COL3A1: variants seen among roughly 807,000 people sequenced by gnomAD.
The protein encoded by COL3A1 is collagen type III alpha 1 chain.
In COL3A1, 46 loss-of-function variants were observed where a neutral mutation model predicts 200.9. That is an observed-to-expected ratio of 0.23 (90% confidence interval 0.18 to 0.29). The LOEUF is 0.29. COL3A1 is among the 10% of genes least tolerant of loss of function. The probability of loss-of-function intolerance (pLI) is 1.00; values close to 1 mark genes in which losing one functional copy is unlikely to be tolerated. For missense variants in COL3A1, 1,367 were observed against 1,917.6 expected, an observed-to-expected ratio of 0.71 and a Z score of 5.36; for synonymous variants, 650 against 628.0, an observed-to-expected ratio of 1.03 and a Z score of -0.52.
At chr2:189,000,288 A>T (rs1251509056) in intron 32 of COL3A1, among the ~76,000 whole-genome samples, 1 of 152,238 alleles carries the variant, frequency 6.6e-6, no homozygotes, top group African/African-American at 2.4e-5. Flanking sequence ...AGCAACAAAA[A>T]GGAATGAACA....
In COL3A1 at chr2:188,994,241, C is replaced by T. The variant is rs1688249086; in HGVS notation, c.1202C>T (p.Ala401Val). The T allele has an allele frequency of 6.2e-7, 1 of 1,614,116 alleles. No homozygotes were observed. Residue 401 changes from alanine (A) to valine (V), a missense_variant, in exon 18 of 51, where the codon GCT becomes GTT. Ala to Val is a moderately conservative substitution (Grantham distance 64). Transcript: ENST00000304636. This position sits in a 1 kb window ranked among gnomAD's most constrained non-coding sequence, Gnocchi z 4.5. ...TCTTTGGTTTGTTCTTAGGGTCCCG[C>T]TGGCATTCCTGGAGCTCCTGGACTG... ...SPGGKGEMGP[A>V]GIPGAPGLMG...
At position 189,006,955 on chromosome 2, in the gene COL3A1, G is replaced by T; in HGVS notation, c.3220G>T (p.Gly1074Cys). ...RGESGPAGPAGAPGPAGSRGA... is the reference protein window; with the variant it reads ...RGESGPAGPACAPGPAGSRGA... ...ATCTTAGGGCCCTGCTGGCCCTGCT[G>T]GTGCTCCCGGTCCTGCTGGTTCCCG... Residue 1074 changes from glycine (G) to cysteine (C), a missense_variant, in exon 44 of 51, where the codon GGT becomes TGT. This residue lies in a region of COL3A1 where 846 missense variants were observed against 1,147.9 expected (regional missense o/e 0.74). Coordinates refer to ENST00000304636, the MANE Select transcript of COL3A1 (RefSeq NM_000090.4). The T allele has an allele frequency of 6.2e-7, 1 of 1,613,148 alleles. No individual in the cohort carries two copies. Among genetic ancestry groups the T allele is most frequent in the Non-Finnish European group, 8.5e-7 (1 of 1,179,752 alleles).
At chr2:188,997,297 C>A (rs760025011) in intron 25 of COL3A1, 39 bp from the exon 26 acceptor site, 8 of 1,612,748 alleles carry the variant, frequency 5.0e-6, no homozygotes, top group Non-Finnish European at 8.5e-7. Flanking sequence ...TCTCTGTAAT[C>A]TGTATTATTT....
chr2:188,987,028 A>G (rs745482239), intron 4 of COL3A1, 31 bp from the exon 5 acceptor site: 2 of 1,566,856 alleles, frequency 1.3e-6, no homozygotes, highest in South Asian at 1.1e-5. Flanking sequence ...GTCTGTTAAA[A>G]TGATCATATC....
At chr2:188,990,255 A>G in intron 9 of COL3A1, 52 bp from the exon 10 acceptor site, 1 of 1,587,190 alleles carries the variant, frequency 6.3e-7, no homozygotes, top group Non-Finnish European at 8.6e-7. Flanking sequence ...TTACTACTAG[A>G]TTGTGATTCT....
At chr2:188,985,828 C>T in intron 4 of COL3A1, 50 bp downstream of exon 4, 1 of 1,211,758 alleles carries the variant, frequency 8.3e-7, no homozygotes. Flanking sequence ...CTATCTAGTT[C>T]ATCTTCTTTC....
intron 16 of COL3A1, 67 bp from the exon 17 acceptor site, chr2:188,993,971 A>C: frequency 6.7e-7 from 1 of 1,484,570 alleles, no homozygotes; most frequent in Admixed American, 1.7e-5. Context: ...TTTCACACAA[A>C]CAACTTCAAA....
chr2:189,005,266 AC>A, intron 40 of COL3A1, 83 bp from the exon 41 acceptor site: 2 of 1,248,018 alleles, frequency 1.6e-6, no homozygotes, highest in Non-Finnish European at 2.3e-6. Flanking sequence ...TAAGTTTTTT[AC>A]CTGAAAATAA....
intron 1 of COL3A1, among the ~76,000 whole-genome samples, chr2:188,982,191 T>C (rs1687967436): frequency 6.6e-6 from 1 of 151,656 alleles, no homozygotes; most frequent in Admixed American, 6.6e-5. Flanking sequence ...AAATAATCTT[T>C]ATATTGAGGC....
chr2:188,985,840 T>G, intron 4 of COL3A1, 62 bp downstream of exon 4: 1 of 1,031,794 alleles, frequency 9.7e-7, no homozygotes, highest in East Asian at 2.4e-5. Flanking sequence ...TCTTCTTTCT[T>G]TACTCGATAT....
chr2:189,011,694 A>G lies in COL3A1; in HGVS notation c.4321A>G (p.Ile1441Val), dbSNP rs1227188905. The change falls in exon 51 of 51, where the codon ATT becomes GTT. Residue 1441 changes from isoleucine (I) to valine (V), a missense_variant. Physicochemically the swap from Ile to Val is conservative, Grantham distance 29. This residue lies in a region of COL3A1 where 846 missense variants were observed against 1,147.9 expected (regional missense o/e 0.74). Coordinates refer to ENST00000304636, the MANE Select transcript of COL3A1 (RefSeq NM_000090.4). ...YRTRKAVRLP[I>V]VDIAPYDIGG... ...AACACGCAAGGCTGTGAGACTACCTATTGTAGATATTGCACCCTATGACAT... is the reference window on the plus strand; with the variant it reads ...AACACGCAAGGCTGTGAGACTACCTGTTGTAGATATTGCACCCTATGACAT... 7 of 1,613,888 alleles carry G rather than the reference A, an allele frequency of 4.3e-6. No individual in the cohort carries two copies. The South Asian group carries it at 5.5e-5, about 13-fold the overall frequency.
chr2:188,974,563 A>G lies in COL3A1; in HGVS notation c.74A>G (p.Gln25Arg), dbSNP rs748787122. The change falls in exon 1 of 51, where the codon CAG becomes CGG. Residue 25 changes from glutamine to arginine, a missense_variant. Gln to Arg is a conservative substitution (Grantham distance 43, BLOSUM62 1). Around this residue, in one of 5 missense-constraint regions of COL3A1, gnomAD observed 55 missense variants for 51.5 expected, o/e 1.07. Coordinates refer to ENST00000304636, the MANE Select transcript of COL3A1 (RefSeq NM_000090.4). ...CATCCCACTATTATTTTGGCACAAC[A>G]GGAAGGTGAGTAGGTACTGATTTCA... ...LLHPTIILAQQEAVEGGCSHL... is the reference protein window; with the variant it reads ...LLHPTIILAQREAVEGGCSHL... The G allele has an allele frequency of 1.9e-6, 3 of 1,613,642 alleles. No individual in the cohort carries two copies. The highest frequency in any genetic ancestry group is 2.5e-6 in the Non-Finnish European group (3 of 1,179,564).
At chr2:188,998,190 A>G (rs1688371697) in intron 27 of COL3A1, 76 bp from the exon 28 acceptor site, 1 of 1,345,834 alleles carries the variant, frequency 7.4e-7, no homozygotes, top group Non-Finnish European at 1.1e-6. Flanking sequence ...TCTTGCAGAA[A>G]CATGTGTACA....
At chr2:188,984,611 A>T (rs3134662) in intron 1 of COL3A1, 149 bp from the exon 2 acceptor site, 1 of 694,388 alleles carries the variant, frequency 1.4e-6, no homozygotes, top group Non-Finnish European at 2.5e-6. Context: ...CAAATTACAT[A>T]GGGCAAGTAT....
Position 189,006,277 on chromosome 2 carries a change from G to T in COL3A1, c.3093+18G>T. The T allele has an allele frequency of 6.2e-7, 1 of 1,613,868 alleles. No homozygotes were observed. The highest frequency in any genetic ancestry group is 1.3e-5 in the African/African-American group (1 of 75,010). On this transcript the variant is annotated intron_variant, in intron 42 of 50. Transcript: ENST00000304636. ...GTGGCAAGGTATAATAAACACATGT[G>T]CAATTGATTTGTGTTATCAAAATAA...
rs1193789440 is a variant in COL3A1, at chr2:189,007,676, C to T, written c.3363+69C>T. ...AATTTTAGAGATTAAGAGAAGAAAG[C>T]TTTCCATCTCTAAAAATATGTACTA... is the stretch of plus-strand genomic sequence containing the variant. On this transcript the variant is annotated intron_variant, in intron 45 of 50. Transcript: ENST00000304636. 5.1e-6 allele frequency: 7 copies of T among 1,377,940 alleles called. No homozygotes were observed. In the African/African-American group the frequency reaches 7.2e-5, roughly 14 times the overall value. The allele number at this position is 1,377,940 out of a possible 1,614,324, so 85.4% of individuals were successfully genotyped here. A position where few individuals can be genotyped will look rare whatever the true frequency, so the allele number is the denominator to read the frequency against.
chr2:188,988,246 A>T, intron 6 of COL3A1, 112 bp downstream of exon 6: 2 of 949,760 alleles, frequency 2.1e-6, no homozygotes, highest in Non-Finnish European at 1.7e-6. Context: ...TTAACTAGAG[A>T]AATCATAACC....
intron 49 of COL3A1, 57 bp from the exon 50 acceptor site, chr2:189,010,591 C>A: frequency 1.9e-6 from 3 of 1,609,842 alleles, no homozygotes; most frequent in South Asian, 1.1e-5. Context: ...TACATGAATC[C>A]CTCGCGTGCA....
At position 189,001,402 on chromosome 2, in the gene COL3A1, T is replaced by C. The variant is rs1337989607; in HGVS notation, c.2289T>C (p.Pro763=). Residue 763 remains proline (P), a synonymous_variant, in exon 33 of 51, where the codon CCT becomes CCC. Coordinates refer to ENST00000304636, the MANE Select transcript of COL3A1 (RefSeq NM_000090.4). ...GVPGKDGPRG[P]TGPIGPPGPA... Reference sequence around the variant, plus strand: ...AATATTTTTATTTCCTCTAGGGTCCTACTGGTCCTATTGGTCCTCCTGGCC... The same window carrying C: ...AATATTTTTATTTCCTCTAGGGTCCCACTGGTCCTATTGGTCCTCCTGGCC... 1 of 1,613,582 alleles carries C rather than the reference T, an allele frequency of 6.2e-7. No homozygotes were observed. Among genetic ancestry groups the C allele is most frequent in the Non-Finnish European group, 8.5e-7 (1 of 1,179,440 alleles).
Sources: gnomAD v4.1 joint callset for allele counts (sites outside exome capture counted in the v4.1 genomes callset) on GRCh38, gnomAD v4.1.1 for gene constraint, gnomAD v4.1.1 regional missense constraint, Gnocchi (gnomAD v3.1) non-coding constraint, MANE v1.5 for transcripts, NCBI Gene and HGNC (gene_info 2026-07-23, HGNC 2026-07-21) for gene names.